The following RIT2 variants were observed in gnomAD, a reference collection of about 807,000 sequenced individuals.
The protein encoded by RIT2 is GTP-binding protein Rit2.
RIT2 carries 24 observed loss-of-function variants against 23.7 expected under a neutral mutation model. That is an observed-to-expected ratio of 1.01 (90% CI 0.73 to 1.43). The LOEUF is 1.43. Ranked by LOEUF, RIT2 falls within the 40% of genes most tolerant of loss-of-function variation. RIT2 has a pLI of 0.00. For synonymous variants in RIT2, 107 were observed against 91.1 expected, an observed-to-expected ratio of 1.17 and a Z score of -0.99; for missense variants, 236 against 266.9, an observed-to-expected ratio of 0.88 and a Z score of 0.81.
At chr18:43,008,581 AT>A (rs1408131561) in intron 2 of RIT2, among the ~76,000 whole-genome samples, 1 of 151,408 alleles carries the variant, frequency 6.6e-6, no homozygotes, top group Admixed American at 6.6e-5. Flanking sequence ...ATAAACAGCA[AT>A]AAAAAGTAAA....
At chr18:43,085,703 G>A (rs1000342454) in intron 1 of RIT2, among the ~76,000 whole-genome samples, 10 of 152,048 alleles carry the variant, frequency 6.6e-5, no homozygotes, top group South Asian at 2.1e-4. Context: ...TAGAGTATAG[G>A]GTTAGCATAC....
chr18:42,816,618 C>G (rs1035307777), intron 4 of RIT2, among the ~76,000 whole-genome samples: 2 of 152,080 alleles, frequency 1.3e-5, no homozygotes, highest in Admixed American at 6.6e-5. Flanking sequence ...AGAACTCTTC[C>G]TATTCAAAAA....
chr18:42,966,548 G>C (rs1466272246), intron 3 of RIT2, among the ~76,000 whole-genome samples: 1 of 151,990 alleles, frequency 6.6e-6, no homozygotes, highest in African/African-American at 2.4e-5. Context: ...GAGCAATTAG[G>C]TTCATAAAGC....
At chr18:42,921,436 C>T (rs1460894121) in intron 4 of RIT2, among the ~76,000 whole-genome samples, 1 of 152,056 alleles carries the variant, frequency 6.6e-6, no homozygotes, top group Non-Finnish European at 1.5e-5. Flanking sequence ...ATTTCAGTGA[C>T]ATTTGTAATG....
intron 3 of RIT2, among the ~76,000 whole-genome samples, chr18:42,970,551 CT>C (rs1910338805): frequency 6.6e-6 from 1 of 151,934 alleles, no homozygotes; most frequent in Non-Finnish European, 1.5e-5. Flanking sequence ...GCAGAAAGGT[CT>C]ATCTGAACTT....
At position 42,760,682 on chromosome 18, in the gene RIT2, C is replaced by G. The variant is rs529930332; in HGVS notation, c.427-16962G>C. On this transcript the variant is annotated intron_variant, in intron 4 of 4. Transcript: ENST00000326695. The stretch of plus-strand genomic sequence containing the variant: ...ACCTTAATTGAATTACATATATGCT[C>G]TAATACTCAATGTCCTCATCTTAAA... Among the ~76,000 whole-genome samples, 40 of 152,314 alleles carry G rather than the reference C, an allele frequency of 2.6e-4. No individual in the cohort carries two copies. The South Asian group carries it at 7.7e-3, about 29-fold the overall frequency.
intron 1 of RIT2, among the ~76,000 whole-genome samples, chr18:43,077,717 A>G (rs952899998): frequency 2.6e-5 from 4 of 152,186 alleles, no homozygotes; most frequent in Non-Finnish European, 5.9e-5. Flanking sequence ...CCTGACAGCT[A>G]TTGTGCCCAC....
At chr18:43,107,334 C>T (rs1337398135) in intron 1 of RIT2, among the ~76,000 whole-genome samples, 1 of 152,136 alleles carries the variant, frequency 6.6e-6, no homozygotes. Context: ...TCTGTTTATA[C>T]ATCTTGTTTG....
chr18:42,751,304 T>A (rs1036592418), intron 4 of RIT2, among the ~76,000 whole-genome samples: 3 of 151,878 alleles, frequency 2.0e-5, no homozygotes, highest in Non-Finnish European at 4.4e-5. Context: ...ATCCATAAAT[T>A]CTTTAAGTGT....
chr18:42,881,946 C>G lies in RIT2; in HGVS notation c.426+41626G>C, dbSNP rs181341332. On this transcript the variant is annotated intron_variant, in intron 4 of 4. Transcript: ENST00000326695. ...GGCATACAGGCGGATCACTCCAAAC[C>G]ACATTGCTCATTTAAATTTAACTTT... Among the ~76,000 whole-genome samples the G allele has an allele frequency of 1.3e-3, 205 of 152,304 alleles. 1 individual carries two copies. The highest frequency in any genetic ancestry group is 4.7e-3 in the African/African-American group (196 of 41,568).
intron 4 of RIT2, among the ~76,000 whole-genome samples, chr18:42,879,629 T>G (rs1907835630): frequency 2.0e-5 from 3 of 152,136 alleles, no homozygotes; most frequent in Admixed American, 1.3e-4. Context: ...TTTTGAGTTT[T>G]TTTCTTAAGT....
intron 4 of RIT2, among the ~76,000 whole-genome samples, chr18:42,812,201 C>T (rs1342329648): frequency 7.2e-5 from 11 of 152,130 alleles, no homozygotes; most frequent in African/African-American, 2.7e-4. Flanking sequence ...CTATGTGACT[C>T]ACTTTGGTCA....
chr18:43,006,124 C>T (rs894745875), intron 2 of RIT2, among the ~76,000 whole-genome samples: 8 of 151,438 alleles, frequency 5.3e-5, no homozygotes, highest in East Asian at 1.9e-4. Context: ...GGGAAGAGAA[C>T]GAAGAGAAAA....
chr18:42,789,680 C>T (rs1486950476), intron 4 of RIT2, among the ~76,000 whole-genome samples: 1 of 152,050 alleles, frequency 6.6e-6, no homozygotes, highest in Non-Finnish European at 1.5e-5. Context: ...AATTTTTTAT[C>T]CTAAAATTTC....
chr18:42,967,536 ATTTTTTTTTTTTTTTTT>A (rs397940927), intron 3 of RIT2, among the ~76,000 whole-genome samples: 1 of 80,762 alleles, frequency 1.2e-5, no homozygotes, highest in Non-Finnish European at 2.2e-5. Flanking sequence ...CGCCCGGCTA[ATTTTTTTTTTTTTTTTT>A]TTTTTTTTTT....
At chr18:42,807,541 C>A (rs1259724889) in intron 4 of RIT2, among the ~76,000 whole-genome samples, 2 of 152,050 alleles carry the variant, frequency 1.3e-5, no homozygotes, top group Non-Finnish European at 2.9e-5. Flanking sequence ...TGCTTGAACC[C>A]GGGAAGCAGA....
chr18:42,899,205 A>G (rs1291261508), intron 4 of RIT2, among the ~76,000 whole-genome samples: 1 of 151,620 alleles, frequency 6.6e-6, no homozygotes, highest in Non-Finnish European at 1.5e-5. Flanking sequence ...TTTTTCAACT[A>G]CATTGAATGT....
intron 4 of RIT2, among the ~76,000 whole-genome samples, chr18:42,804,387 C>A (rs1185036330): frequency 6.6e-6 from 1 of 151,598 alleles, no homozygotes. Flanking sequence ...AACCCCGTCT[C>A]TACTAAAAAT....
Position 42,743,406 on chromosome 18 carries a change from G to T in RIT2, c.*87C>A. 1 of 936,986 alleles carries T rather than the reference G, an allele frequency of 1.1e-6. No individual in the cohort carries two copies. The allele number at this position is 936,986 out of a possible 1,614,324, so 58.0% of individuals were successfully genotyped here. Reference sequence around the variant, plus strand: ...ATATTTAAAGAGAGAGAGACACATAGAGAGATAATATTGAAGCAGAATGCT... The same window carrying T: ...ATATTTAAAGAGAGAGAGACACATATAGAGATAATATTGAAGCAGAATGCT... On this transcript the variant is annotated 3_prime_UTR_variant, in exon 5 of 5. Transcript: ENST00000326695.
Sources: allele counts gnomAD v4.1 joint callset (sites outside exome capture counted in the v4.1 genomes callset), GRCh38; gene constraint gnomAD v4.1.1; transcripts MANE v1.5; gene names NCBI Gene and HGNC (gene_info 2026-07-23, HGNC 2026-07-21).